Variants in KRTAP10-12 observed in about 807,000 individuals in gnomAD.
The protein encoded by KRTAP10-12 is keratin associated protein 10-12, also known as keratin-associated protein 10-12.
For missense variants in KRTAP10-12, 311 were observed against 324.4 expected, an observed-to-expected ratio of 0.96 and a Z score of 0.32; for synonymous variants, 142 against 139.1, an observed-to-expected ratio of 1.02 and a Z score of -0.14.
In KRTAP10-12 at chr21:44,697,824, G is replaced by T. The variant is rs576036099; in HGVS notation, c.623G>T (p.Arg208Leu). 6.2e-7 allele frequency: 1 copy of T among 1,613,420 alleles called. No homozygotes were observed. Among genetic ancestry groups the T allele is most frequent in the Non-Finnish European group, 8.5e-7 (1 of 1,179,850 alleles). ...LCRPVCRPAR[R>L]VPVPSCCVPT... is the part of the protein sequence containing the mutation. ...CGCCCTGTGTGCAGACCCGCCCGCC[G>T]CGTGCCCGTCCCCTCCTGCTGTGTC... is the stretch of plus-strand genomic sequence containing the variant. The change falls in exon 1 of 1, where the codon CGC becomes CTC. Residue 208 changes from arginine (R) to leucine (L), a missense_variant. Physicochemically the swap from Arg to Leu is moderately radical, Grantham distance 102. Coordinates refer to ENST00000400365, the MANE Select transcript of KRTAP10-12 (RefSeq NM_198699.1).
chr21:44,697,493 T>C lies in KRTAP10-12; in HGVS notation c.292T>C (p.Ser98Pro), dbSNP rs1555950843. 1 of 1,613,568 alleles carries C rather than the reference T, an allele frequency of 6.2e-7. No homozygotes were observed. The highest frequency in any genetic ancestry group is 8.5e-7 in the Non-Finnish European group (1 of 1,179,866). Residue 98 changes from serine to proline, a missense_variant, in exon 1 of 1, where the codon TCC (serine) becomes CCC (proline). Transcript: ENST00000400365. ...SSCQPACCTS[S>P]PCQQACCVPV... is the part of the protein sequence containing the mutation. ...CTGCCAGCCGGCTTGCTGCACCTCCTCCCCCTGCCAGCAGGCCTGCTGCGT... is the reference window on the plus strand; with the variant it reads ...CTGCCAGCCGGCTTGCTGCACCTCCCCCCCCTGCCAGCAGGCCTGCTGCGT...
chr21:44,697,616 C>G lies in KRTAP10-12; in HGVS notation c.415C>G (p.Pro139Ala). The change falls in exon 1 of 1, where the codon CCA becomes GCA. Residue 139 changes from proline to alanine, a missense_variant. By Grantham distance (27) the Pro-to-Ala change is conservative (BLOSUM62 -1). Coordinates refer to ENST00000400365, the MANE Select transcript of KRTAP10-12 (RefSeq NM_198699.1). Reference protein sequence around the residue: ...SSCCQQSSCQPACCISSPCQQ... With the variant: ...SSCCQQSSCQAACCISSPCQQ... Reference sequence around the variant, plus strand: ...ATGCTGCCAGCAGTCTAGCTGCCAGCCAGCTTGCTGCATCTCCTCCCCGTG... The same window carrying G: ...ATGCTGCCAGCAGTCTAGCTGCCAGGCAGCTTGCTGCATCTCCTCCCCGTG... 1 of 1,614,072 alleles carries G rather than the reference C, an allele frequency of 6.2e-7. No homozygotes were observed. The highest frequency in any genetic ancestry group is 8.5e-7 in the Non-Finnish European group (1 of 1,179,984).
At position 44,697,875 on chromosome 21, in the gene KRTAP10-12, G is replaced by T. The variant is rs1555950986; in HGVS notation, c.674G>T (p.Cys225Phe). ...CCCACCTCCTCCTGCCAGCCAAGCT[G>T]CGGCCGCCTGGCCTCCTGCGGGTCC... ...CVPTSSCQPS[C>F]GRLASCGSLL... The change falls in exon 1 of 1, where the codon TGC becomes TTC. Residue 225 changes from cysteine (C) to phenylalanine (F), a missense_variant. Coordinates refer to ENST00000400365, the MANE Select transcript of KRTAP10-12 (RefSeq NM_198699.1). 3 of 1,603,484 alleles carry T rather than the reference G, an allele frequency of 1.9e-6. No individual in the cohort carries two copies. Among genetic ancestry groups the T allele is most frequent in the South Asian group, 1.1e-5 (1 of 88,762 alleles).
Position 44,697,666 on chromosome 21 carries a change from C to T in KRTAP10-12, c.465C>T (p.Val155=). ...GTCAACAGTCCTGCTGTGTGCCCGT[C>T]TGCTGCAAGCCCATCTGCTGTGTGC... The part of the protein sequence containing the change: ...SPCQQSCCVP[V]CCKPICCVPV... The change falls in exon 1 of 1, where the codon GTC becomes GTT. Residue 155 remains valine, a synonymous_variant. Coordinates refer to ENST00000400365, the MANE Select transcript of KRTAP10-12 (RefSeq NM_198699.1). 6.2e-7 allele frequency: 1 copy of T among 1,613,368 alleles called. No homozygotes were observed.
chr21:44,697,360 C>G lies in KRTAP10-12; in HGVS notation c.159C>G (p.Thr53=). 1 of 1,613,276 alleles carries G rather than the reference C, an allele frequency of 6.2e-7. No individual in the cohort carries two copies. The highest frequency in any genetic ancestry group is 8.5e-7 in the Non-Finnish European group (1 of 1,179,994). The stretch of plus-strand genomic sequence containing the variant: ...CCCCCTGCCTGAGCCTGGTCTGCAC[C>G]CCAGTGAGCCGTGTATCCAGCCCCT... ...APAPCLSLVC[T]PVSRVSSPCC... The change falls in exon 1 of 1, where the codon ACC becomes ACG. Residue 53 remains threonine, a synonymous_variant. Coordinates refer to ENST00000400365, the MANE Select transcript of KRTAP10-12 (RefSeq NM_198699.1).
chr21:44,698,001 C>T lies in KRTAP10-12; in HGVS notation c.*62C>T. On this transcript the variant is annotated 3_prime_UTR_variant, in exon 1 of 1. Transcript: ENST00000400365. ...GCATGTCCCCCAGGGCCACTGGGCA[C>T]TATGAGTCCCCCACCTCTCCCACTA... The T allele has an allele frequency of 2.6e-6, 4 of 1,554,018 alleles. No individual in the cohort carries two copies. The Admixed American group carries it at 5.4e-5, about 21-fold the overall frequency.
chr21:44,697,867 G>A lies in KRTAP10-12; in HGVS notation c.666G>A (p.Gln222=), dbSNP rs1555950981. Residue 222 remains glutamine, a synonymous_variant, in exon 1 of 1, where the codon CAG becomes CAA. Coordinates refer to ENST00000400365, the MANE Select transcript of KRTAP10-12 (RefSeq NM_198699.1). ...PSCCVPTSSC[Q]PSCGRLASCG... ...GCTGTGTCCCCACCTCCTCCTGCCA[G>A]CCAAGCTGCGGCCGCCTGGCCTCCT... 1.2e-6 allele frequency: 2 copies of A among 1,603,526 alleles called. No homozygotes were observed. The highest frequency in any genetic ancestry group is 2.3e-5 in the South Asian group (2 of 88,772).
chr21:44,697,311 G>A lies in KRTAP10-12; in HGVS notation c.110G>A (p.Cys37Tyr), dbSNP rs782805259. The change falls in exon 1 of 1, where the codon TGT (cysteine) becomes TAT (tyrosine). Residue 37 changes from cysteine (C) to tyrosine (Y), a missense_variant. Physicochemically the swap from Cys to Tyr is radical, Grantham distance 194. Transcript: ENST00000400365. The part of the protein sequence containing the change: ...WQVDDCPESC[C>Y]EPPCCAPAPC... Reference sequence around the variant, plus strand: ...GTGGACGACTGCCCAGAGAGCTGCTGTGAGCCCCCCTGCTGCGCCCCGGCC... The same window carrying A: ...GTGGACGACTGCCCAGAGAGCTGCTATGAGCCCCCCTGCTGCGCCCCGGCC... 1.9e-6 allele frequency: 3 copies of A among 1,613,638 alleles called. No homozygotes were observed. The highest frequency in any genetic ancestry group is 1.7e-5 in the Admixed American group (1 of 60,014).
Position 44,697,955 on chromosome 21 carries a change from C to A in KRTAP10-12, c.*16C>A, listed in dbSNP as rs376174050. The A allele has an allele frequency of 1.9e-6, 3 of 1,599,984 alleles. No homozygotes were observed. In the African/African-American group the frequency reaches 4.0e-5, roughly 21 times the overall value. On this transcript the variant is annotated 3_prime_UTR_variant, in exon 1 of 1. Transcript: ENST00000400365. ...GGCCTGCTGAGGCCTCTGCTCAGGC[C>A]AGAAGTCCAGCTGCTGCCAGGCATG... is the stretch of plus-strand genomic sequence containing the variant.
In KRTAP10-12 at chr21:44,697,187, A is replaced by ACGGCTG. The variant is rs1262724418; in HGVS notation, c.-13_-8dup. On this transcript the variant is annotated 5_prime_UTR_variant, in exon 1 of 1. Coordinates refer to ENST00000400365, the MANE Select transcript of KRTAP10-12 (RefSeq NM_198699.1). ...CAGCTCCCCCAGCTCAACCCCCAGC[A>ACGGCTG]CGGCTGCATCCACCATGTCCGTCTG... 1 of 1,610,354 alleles carries ACGGCTG rather than the reference A, an allele frequency of 6.2e-7. No individual in the cohort carries two copies. Among genetic ancestry groups the ACGGCTG allele is most frequent in the Non-Finnish European group, 8.5e-7 (1 of 1,178,198 alleles).
At position 44,697,435 on chromosome 21, in the gene KRTAP10-12, C is replaced by A; in HGVS notation, c.234C>A (p.Ser78Arg). The change falls in exon 1 of 1, where the codon AGC becomes AGA. Residue 78 changes from serine (S) to arginine (R), a missense_variant. Physicochemically the swap from Ser to Arg is moderately radical, Grantham distance 110. Transcript: ENST00000400365. ...GCCCCTGCCAATCAGGCTGCACCAG[C>A]TCCTGCACGCCCTCGTGCTGCCAGC... ...EPSPCQSGCT[S>R]SCTPSCCQQS... 1 of 1,614,040 alleles carries A rather than the reference C, an allele frequency of 6.2e-7. No homozygotes were observed. Among genetic ancestry groups the A allele is most frequent in the South Asian group, 1.1e-5 (1 of 91,078 alleles).
chr21:44,697,326 G>A lies in KRTAP10-12; in HGVS notation c.125G>A (p.Cys42Tyr), dbSNP rs782651108. 13 of 1,613,194 alleles carry A rather than the reference G, an allele frequency of 8.1e-6. No homozygotes were observed. Among genetic ancestry groups the A allele is most frequent in the Non-Finnish European group, 1.1e-5 (13 of 1,179,978 alleles). ...GAGAGCTGCTGTGAGCCCCCCTGCT[G>A]CGCCCCGGCCCCCTGCCTGAGCCTG... ...CPESCCEPPC[C>Y]APAPCLSLVC... The change falls in exon 1 of 1, where the codon TGC (cysteine) becomes TAC (tyrosine). Residue 42 changes from cysteine (C) to tyrosine (Y), a missense_variant. Cys to Tyr is a radical substitution (Grantham distance 194, BLOSUM62 -2). Coordinates refer to ENST00000400365, the MANE Select transcript of KRTAP10-12 (RefSeq NM_198699.1).
In KRTAP10-12 at chr21:44,697,583, T is replaced by C; in HGVS notation, c.382T>C (p.Ser128Pro). Residue 128 changes from serine to proline, a missense_variant, in exon 1 of 1, where the codon TCT becomes CCT. By Grantham distance (74) the Ser-to-Pro change is moderately conservative (BLOSUM62 -1). Coordinates refer to ENST00000400365, the MANE Select transcript of KRTAP10-12 (RefSeq NM_198699.1). ...VCCMPVCCGP[S>P]SSCCQQSSCQ... ...CTGTATGCCCGTCTGCTGTGGGCCTTCTTCTTCATGCTGCCAGCAGTCTAG... is the reference window on the plus strand; with the variant it reads ...CTGTATGCCCGTCTGCTGTGGGCCTCCTTCTTCATGCTGCCAGCAGTCTAG... 10 of 1,612,864 alleles carry C rather than the reference T, an allele frequency of 6.2e-6. No homozygotes were observed. Among genetic ancestry groups the C allele is most frequent in the Non-Finnish European group, 8.5e-6 (10 of 1,179,702 alleles).
chr21:44,697,526 TG>T lies in KRTAP10-12; in HGVS notation c.326del (p.Cys109SerfsTer160), dbSNP rs782499461. On this transcript the variant is annotated frameshift_variant, in exon 1 of 1. Coordinates refer to ENST00000400365, the MANE Select transcript of KRTAP10-12 (RefSeq NM_198699.1). LOFTEE classifies it low-confidence loss of function (END_TRUNC). ...CCAGCAGGCCTGCTGCGTGCCCGTC[TG>T]CTGCAAGACTGTCTGCTGCAAGCCT... ...PCQQACCVPVCCKTVCCKPVC... is the reference protein window; with the variant it reads ...PCQQACCVPVXCKTVCCKPVC... 3 of 1,612,850 alleles carry T rather than the reference TG, an allele frequency of 1.9e-6. No individual in the cohort carries two copies. Among genetic ancestry groups the T allele is most frequent in the Admixed American group, 3.3e-5 (2 of 59,928 alleles).
rs1555950964 is a variant in KRTAP10-12 at position 44,697,809 on chromosome 21, G to A, written c.608G>A (p.Cys203Tyr). The A allele has an allele frequency of 1.2e-6, 2 of 1,613,628 alleles. No individual in the cohort carries two copies. The highest frequency in any genetic ancestry group is 1.7e-6 in the Non-Finnish European group (2 of 1,179,870). Residue 203 changes from cysteine (C) to tyrosine (Y), a missense_variant, in exon 1 of 1, where the codon TGC becomes TAC. Transcript: ENST00000400365. ...SSVSLLCRPV[C>Y]RPARRVPVPS... Reference sequence around the variant, plus strand: ...GTGTCCCTCCTCTGCCGCCCTGTGTGCAGACCCGCCCGCCGCGTGCCCGTC... The same window carrying A: ...GTGTCCCTCCTCTGCCGCCCTGTGTACAGACCCGCCCGCCGCGTGCCCGTC...
chr21:44,697,831 C>G lies in KRTAP10-12; in HGVS notation c.630C>G (p.Pro210=). ...TGTGCAGACCCGCCCGCCGCGTGCC[C>G]GTCCCCTCCTGCTGTGTCCCCACCT... is the stretch of plus-strand genomic sequence containing the variant. ...RPVCRPARRV[P]VPSCCVPTSS... Residue 210 remains proline (P), a synonymous_variant, in exon 1 of 1, where the codon CCC becomes CCG. Coordinates refer to ENST00000400365, the MANE Select transcript of KRTAP10-12 (RefSeq NM_198699.1). The G allele has an allele frequency of 1.2e-6, 2 of 1,613,620 alleles. No individual in the cohort carries two copies. The highest frequency in any genetic ancestry group is 1.1e-5 in the South Asian group (1 of 91,050).
chr21:44,697,734 G>A lies in KRTAP10-12; in HGVS notation c.533G>A (p.Ser178Asn), dbSNP rs781858675. The A allele has an allele frequency of 5.6e-6, 9 of 1,614,098 alleles. No individual in the cohort carries two copies. Among genetic ancestry groups the A allele is most frequent in the African/African-American group, 5.3e-5 (4 of 75,016 alleles). The stretch of plus-strand genomic sequence containing the variant: ...TCCTCTCTGTGCTGCCAGCAGTCTA[G>A]CTGCCAGCCAGCTTGCTGCACCACC... ...GASSLCCQQS[S>N]CQPACCTTSC... Residue 178 changes from serine (S) to asparagine (N), a missense_variant, in exon 1 of 1, where the codon AGC becomes AAC. Coordinates refer to ENST00000400365, the MANE Select transcript of KRTAP10-12 (RefSeq NM_198699.1).
In KRTAP10-12 at chr21:44,697,269, G is replaced by C; in HGVS notation, c.68G>C (p.Cys23Ser). Residue 23 changes from cysteine to serine, a missense_variant, in exon 1 of 1, where the codon TGC becomes TCC. Physicochemically the swap from Cys to Ser is moderately radical, Grantham distance 112. Coordinates refer to ENST00000400365, the MANE Select transcript of KRTAP10-12 (RefSeq NM_198699.1). ...RVCLPGSCDS[C>S]SDSWQVDDCP... ...TGCCTTCCTGGTTCCTGTGACTCTT[G>C]CTCCGACTCCTGGCAGGTGGACGAC... is the stretch of plus-strand genomic sequence containing the variant. The C allele has an allele frequency of 5.0e-6, 8 of 1,614,054 alleles. No homozygotes were observed. Among genetic ancestry groups the C allele is most frequent in the Non-Finnish European group, 6.8e-6 (8 of 1,180,000 alleles).
rs370668201 is a variant in KRTAP10-12, at chr21:44,697,972, C to T, written c.*33C>T. On this transcript the variant is annotated 3_prime_UTR_variant, in exon 1 of 1. Transcript: ENST00000400365. ...GCTCAGGCCAGAAGTCCAGCTGCTG[C>T]CAGGCATGTCCCCCAGGGCCACTGG... 16 of 1,587,264 alleles carry T rather than the reference C, an allele frequency of 1.0e-5. No individual in the cohort carries two copies. In the African/African-American group the frequency reaches 2.1e-4, roughly 21 times the overall value.
Sources: allele counts gnomAD v4.1 joint callset, GRCh38; gene constraint gnomAD v4.1.1; transcripts MANE v1.5; gene names NCBI Gene and HGNC (gene_info 2026-07-23, HGNC 2026-07-21).